The following CPLANE1 variants were observed in gnomAD, a reference collection of about 807,000 sequenced individuals.
CPLANE1 encodes the protein ciliogenesis and planar polarity effector 1.
Under a neutral mutation model 362.5 loss-of-function variants are expected in CPLANE1, and 263 were observed. The ratio of observed to expected loss-of-function variants is 0.73; its 90% CI spans 0.66 to 0.80. The LOEUF is 0.80. CPLANE1 is among the 30% of genes least tolerant of loss of function. The probability of loss-of-function intolerance (pLI) is 0.00; values close to 1 mark genes in which losing one functional copy is unlikely to be tolerated. For synonymous variants in CPLANE1, 1,212 were observed against 1,302.6 expected, an observed-to-expected ratio of 0.93 and a Z score of 1.50; for missense variants, 3,461 against 3,793.4, an observed-to-expected ratio of 0.91 and a Z score of 2.30.
At chr5:37,094,510 G>A in the CPLANE1 span, among the ~76,000 whole-genome samples, 2 of 152,086 alleles carry the variant, frequency 1.3e-5, no homozygotes, top group Non-Finnish European at 1.5e-5. Context: ...ACAATCTAAG[G>A]CCTCACTTCA....
At chr5:37,197,302 GAC>G (rs1314225363) in intron 20 of CPLANE1, among the ~76,000 whole-genome samples, 2 of 152,130 alleles carry the variant, frequency 1.3e-5, no homozygotes, top group Non-Finnish European at 2.9e-5. Context: ...CTTCCAGAAA[GAC>G]ACAATCTAAT....
intron 48 of CPLANE1, 31 bp downstream of exon 48, chr5:37,122,399 G>C (rs1397364430): frequency 6.3e-7 from 1 of 1,585,308 alleles, no homozygotes; most frequent in Non-Finnish European, 8.6e-7. Context: ...AAGTTAGAGA[G>C]AAAACACAGG....
intron 44 of CPLANE1, chr5:37,140,754 C>T (rs1305094308): frequency 2.0e-6 from 2 of 985,382 alleles, no homozygotes; most frequent in African/African-American, 1.7e-5. Context: ...TAACAAGTTG[C>T]CCTTTCTCCT....
chr5:37,092,359 G>A, the CPLANE1 span, among the ~76,000 whole-genome samples: 1 of 152,310 alleles, frequency 6.6e-6, no homozygotes, highest in African/African-American at 2.4e-5. Context: ...TCATGGCAAA[G>A]AAAATGCCTT....
chr5:37,157,292 C>T (rs771147686), intron 41 of CPLANE1, 21 bp downstream of exon 41: 1 of 1,304,936 alleles, frequency 7.7e-7, no homozygotes, highest in Non-Finnish European at 1.0e-6. Flanking sequence ...GAGGGTCATG[C>T]TATACCTCTT....
At chr5:37,242,834 T>G (rs1362495560) in intron 6 of CPLANE1, among the ~76,000 whole-genome samples, 179 bp downstream of exon 6, 2 of 150,194 alleles carry the variant, frequency 1.3e-5, no homozygotes, top group Admixed American at 6.6e-5. Context: ...CAAGAACTTG[T>G]CTGTTAAAAA....
chr5:37,184,393 A>G (rs1191389821), intron 25 of CPLANE1, among the ~76,000 whole-genome samples: 2 of 152,068 alleles, frequency 1.3e-5, no homozygotes, highest in Non-Finnish European at 2.9e-5. Flanking sequence ...CTTCCCTGAA[A>G]TATTTCCCTT....
intron 16 of CPLANE1, among the ~76,000 whole-genome samples, chr5:37,208,857 A>G (rs76984840): frequency 2.6e-5 from 4 of 152,174 alleles, no homozygotes; most frequent in East Asian, 1.9e-4. Flanking sequence ...CTGTCTCAAC[A>G]TATTAGACGT....
intron 2 of CPLANE1, among the ~76,000 whole-genome samples, chr5:37,247,127 C>T (rs944835679): frequency 1.3e-5 from 2 of 152,168 alleles, no homozygotes; most frequent in Non-Finnish European, 2.9e-5. Context: ...GGGTTGCCTA[C>T]TTTCCCTAAG....
At chr5:37,182,090 T>G (rs1782807368) in intron 26 of CPLANE1, among the ~76,000 whole-genome samples, 1 of 151,406 alleles carries the variant, frequency 6.6e-6, no homozygotes, top group Admixed American at 6.6e-5. Flanking sequence ...AGACTCCATC[T>G]CAAAAAAAAC....
intron 2 of CPLANE1, chr5:37,246,364 G>C (rs1739651850): frequency 6.6e-6 from 1 of 152,086 alleles, no homozygotes; most frequent in South Asian, 2.1e-4. Context: ...ACCGAATTTA[G>C]TGCAGACACG....
the CPLANE1 span, among the ~76,000 whole-genome samples, chr5:37,089,543 C>A: frequency 6.6e-6 from 1 of 152,070 alleles, no homozygotes; most frequent in Non-Finnish European, 1.5e-5. Context: ...TATCTAACAG[C>A]CCTTGGAATT....
chr5:37,168,919 G>A lies in CPLANE1; in HGVS notation c.7105C>T (p.Pro2369Ser). Residue 2369 changes from proline to serine, a missense_variant, in exon 34 of 53, where the codon CCT (proline) becomes TCT (serine). Pro to Ser is a moderately conservative substitution (Grantham distance 74). Coordinates refer to ENST00000651892, the MANE Select transcript of CPLANE1 (RefSeq NM_001384732.1). The part of the protein sequence containing the change: ...LPLLYLPLKP[P>S]NMFPSTSRAS... The stretch of plus-strand genomic sequence containing the variant: ...CTTGAGGTTGATGGAAACATATTAG[G>A]AGGTTTAAGTGGCAGGTATAGTAAC... The A allele has an allele frequency of 6.2e-7, 1 of 1,614,188 alleles. No homozygotes were observed. Among genetic ancestry groups the A allele is most frequent in the Non-Finnish European group, 8.5e-7 (1 of 1,180,034 alleles).
At chr5:37,085,033 G>A in the CPLANE1 span, 38 of 644,376 alleles carry the variant, frequency 5.9e-5, no homozygotes, top group Non-Finnish European at 8.5e-5. Flanking sequence ...AAGAGAGGTC[G>A]TCTTTCCTTG....
intron 34 of CPLANE1, among the ~76,000 whole-genome samples, chr5:37,168,271 A>G (rs981693872): frequency 6.6e-6 from 1 of 152,228 alleles, no homozygotes; most frequent in Non-Finnish European, 1.5e-5. Flanking sequence ...TTTGAAGATC[A>G]TACAATAATT....
chr5:37,239,733 G>C lies in CPLANE1; in HGVS notation c.814C>G (p.Leu272Val). 8.5e-6 allele frequency: 13 copies of C among 1,531,624 alleles called. No individual in the cohort carries two copies. The highest frequency in any genetic ancestry group is 1.1e-5 in the Non-Finnish European group (13 of 1,136,378). 94.9% of individuals were successfully genotyped at this position (1,531,624 alleles called of 1,614,324 possible). A position where few individuals can be genotyped will look rare whatever the true frequency, so the allele number is the denominator to read the frequency against. ...SRDGLTLAVT[L>V]NQKDPKATQV... ...CTGACCTTGGGGTCTTTCTGATTAA[G>C]AGTTACTGCCAGGGTAAGGCCATCT... Residue 272 changes from leucine (L) to valine (V), a missense_variant, in exon 7 of 53, where the codon CTT (leucine) becomes GTT (valine). Transcript: ENST00000651892.
rs1757829729 is a variant in CPLANE1 at position 37,107,382 on chromosome 5, C to G, written c.*220G>C. The stretch of plus-strand genomic sequence containing the variant: ...CCTAATGATGCATCAAATACAAAAA[C>G]ATATAATACATCAATAGTCAACCCT... On this transcript the variant is annotated 3_prime_UTR_variant, in exon 53 of 53. Coordinates refer to ENST00000651892, the MANE Select transcript of CPLANE1 (RefSeq NM_001384732.1). 3 of 1,244,018 alleles carry G rather than the reference C, an allele frequency of 2.4e-6. No homozygotes were observed. The African/African-American group carries it at 4.6e-5, about 19-fold the overall frequency. The allele number at this position is 1,244,018 out of a possible 1,614,324, so 77.1% of individuals were successfully genotyped here.
Position 37,169,540 on chromosome 5 carries a change from G to T in CPLANE1, c.6484C>A (p.Pro2162Thr). ...NVQNVPHGSI[P>T]LCQLNGQPRK... ...GGCTGGCCATTTAATTGACATAAAG[G>T]AATACTCCCATGTGGAACATTCTGG... Residue 2162 changes from proline to threonine, a missense_variant, in exon 34 of 53, where the codon CCT (proline) becomes ACT (threonine). By Grantham distance (38) the Pro-to-Thr change is conservative. Coordinates refer to ENST00000651892, the MANE Select transcript of CPLANE1 (RefSeq NM_001384732.1). The T allele has an allele frequency of 6.2e-7, 1 of 1,610,446 alleles. No homozygotes were observed. Among genetic ancestry groups the T allele is most frequent in the Non-Finnish European group, 8.5e-7 (1 of 1,178,086 alleles).
the CPLANE1 span, among the ~76,000 whole-genome samples, chr5:37,092,345 C>A: frequency 7.8e-3 from 1,195 of 152,288 alleles, 18 homozygotes; most frequent in African/African-American, 0.027. Context: ...CAATTATGAC[C>A]ATATCATGGC....
Sources: gnomAD v4.1 joint callset for allele counts (sites outside exome capture counted in the v4.1 genomes callset) on GRCh38, gnomAD v4.1.1 for gene constraint, MANE v1.5 for transcripts, NCBI Gene and HGNC (gene_info 2026-07-23, HGNC 2026-07-21) for gene names.